Variants in MIB1 observed in about 807,000 individuals in gnomAD.
MIB1 encodes the protein MIB E3 ubiquitin protein ligase 1, also known as E3 ubiquitin-protein ligase MIB1.
Under a neutral mutation model 124.5 loss-of-function variants are expected in MIB1, and 278 were observed. The observed-to-expected ratio is 2.23, with a 90% CI of 2.02 to 2.47. The LOEUF (loss-of-function observed/expected upper bound fraction) is 2.47. Ranked by LOEUF, MIB1 falls within the 30% of genes most tolerant of loss-of-function variation. The probability of loss-of-function intolerance (pLI) is 0.00; values close to 1 mark genes in which losing one functional copy is unlikely to be tolerated. For synonymous variants in MIB1, 446 were observed against 429.4 expected, an observed-to-expected ratio of 1.04 and a Z score of -0.48; for missense variants, 957 against 1,254.4, an observed-to-expected ratio of 0.76 and a Z score of 3.58.
chr18:21,815,895 C>G, intron 11 of MIB1, 82 bp downstream of exon 11: 1 of 1,213,640 alleles, frequency 8.2e-7, no homozygotes, highest in South Asian at 1.3e-5. Context: ...GGTAAGCATT[C>G]CTTTGTTACC....
chr18:21,798,040 A>G (rs369897352), intron 7 of MIB1, 44 bp from the exon 8 acceptor site: 44 of 1,597,758 alleles, frequency 2.8e-5, no homozygotes, highest in Non-Finnish European at 3.4e-5. Context: ...ACTTTATGGT[A>G]TATACTTTAG....
rs767583608 is a variant in MIB1 at position 21,843,204 on chromosome 18, C to T, written c.2036C>T (p.Thr679Ile). 1 of 1,587,202 alleles carries T rather than the reference C, an allele frequency of 6.3e-7. No homozygotes were observed. The highest frequency in any genetic ancestry group is 1.4e-5 in the African/African-American group (1 of 73,562). The change falls in exon 14 of 21, where the codon ACC (threonine) becomes ATC (isoleucine). Residue 679 changes from threonine (T) to isoleucine (I), a missense_variant. By Grantham distance (89) the Thr-to-Ile change is moderately conservative. Transcript: ENST00000261537. ...CACCTTGCTGTTGAACGACAGCATA[C>T]CCAGATTGTTAGGGTAAAGTATTGA... ...ALHLAVERQH[T>I]QIVRLLVRAG...
chr18:21,770,517 G>A (rs1342570454), intron 3 of MIB1, among the ~76,000 whole-genome samples: 1 of 152,002 alleles, frequency 6.6e-6, no homozygotes, highest in East Asian at 1.9e-4. Context: ...ATGGAGTCTT[G>A]CTGTGTTGCC....
At chr18:21,756,689 C>T (rs2041035903) in intron 1 of MIB1, among the ~76,000 whole-genome samples, 1 of 152,138 alleles carries the variant, frequency 6.6e-6, no homozygotes, top group South Asian at 2.1e-4. Flanking sequence ...GTCTCAAACT[C>T]CTGATCTTAG....
At position 21,844,090 on chromosome 18, in the gene MIB1, A is replaced by G; in HGVS notation, c.2050-2A>G. The stretch of plus-strand genomic sequence containing the variant: ...CCAAAATGAGACATCTTTCTCTTTT[A>G]GCTTTTGGTCCGTGCAGGTGCCAAG... On this transcript the variant is annotated splice_acceptor_variant, in intron 14 of 20. Transcript: ENST00000261537. LOFTEE classifies it high-confidence loss of function. 2 of 1,613,242 alleles carry G rather than the reference A, an allele frequency of 1.2e-6. No individual in the cohort carries two copies. The highest frequency in any genetic ancestry group is 1.7e-6 in the Non-Finnish European group (2 of 1,179,732).
intron 4 of MIB1, 70 bp downstream of exon 4, chr18:21,773,798 A>G: frequency 1.1e-6 from 1 of 909,184 alleles, no homozygotes; most frequent in Non-Finnish European, 1.7e-6. Flanking sequence ...CTGCTCTTTT[A>G]TTATTTTTCC....
intron 1 of MIB1, among the ~76,000 whole-genome samples, chr18:21,709,469 C>T (rs1171017354): frequency 6.6e-6 from 1 of 152,188 alleles, no homozygotes; most frequent in African/African-American, 2.4e-5. Context: ...CCTCTGGAAA[C>T]AGGGTGTTAC....
intron 1 of MIB1, among the ~76,000 whole-genome samples, chr18:21,762,145 A>G (rs983469616): frequency 6.6e-6 from 1 of 152,234 alleles, no homozygotes; most frequent in Non-Finnish European, 1.5e-5. Flanking sequence ...CATGTTAAAG[A>G]TGTGTCAAGA....
At chr18:21,755,287 A>G (rs1215902336) in intron 1 of MIB1, among the ~76,000 whole-genome samples, 2 of 151,714 alleles carry the variant, frequency 1.3e-5, no homozygotes, top group African/African-American at 2.4e-5. Flanking sequence ...GTTATCTTTA[A>G]ACTTTTGTTT....
intron 16 of MIB1, 109 bp from the exon 17 acceptor site, chr18:21,849,085 AAT>A: frequency 1.5e-6 from 1 of 680,430 alleles, no homozygotes; most frequent in East Asian, 2.8e-5. Context: ...TTAATTTTTT[AAT>A]ATGACTAGTT....
chr18:21,807,862 A>T (rs966954164), intron 10 of MIB1, among the ~76,000 whole-genome samples: 1 of 152,222 alleles, frequency 6.6e-6, no homozygotes, highest in African/African-American at 2.4e-5. Context: ...TATTAAACAT[A>T]TACAAAAGTA....
intron 12 of MIB1, among the ~76,000 whole-genome samples, chr18:21,820,076 C>G (rs908588737): frequency 2.6e-5 from 4 of 152,120 alleles, no homozygotes; most frequent in Non-Finnish European, 5.9e-5. Context: ...ATATAAACTT[C>G]TAGTATAGCT....
chr18:21,781,158 C>G (rs2041357078), intron 6 of MIB1, among the ~76,000 whole-genome samples: 1 of 151,232 alleles, frequency 6.6e-6, no homozygotes, highest in African/African-American at 2.4e-5. Context: ...CTCAAGTGAT[C>G]CTCCCACTTT....
intron 18 of MIB1, among the ~76,000 whole-genome samples, chr18:21,853,990 GCAACAGA>G (rs2042203572): frequency 9.2e-6 from 1 of 108,886 alleles, no homozygotes; most frequent in African/African-American, 3.4e-5. Context: ...CTCCGCCTAG[GCAACAGA>G]CTGAGACTCA....
intron 3 of MIB1, 35 bp from the exon 4 acceptor site, chr18:21,773,589 T>A: frequency 6.7e-7 from 1 of 1,485,176 alleles, no homozygotes; most frequent in Non-Finnish European, 9.3e-7. Context: ...CCCTCCCCTT[T>A]AAAAAACTTC....
Position 21,870,300 on chromosome 18 carries a change from C to T in MIB1, c.*5634C>T, listed in dbSNP as rs554862728. ...CTGTTATTGTTAAAAAGGAAATTAC[C>T]ATGCCTTTAAGAAACAAGGATGTAC... On this transcript the variant is annotated 3_prime_UTR_variant, in exon 21 of 21. Transcript: ENST00000261537. The T allele has an allele frequency of 6.6e-6, 1 of 152,206 alleles. No homozygotes were observed. The highest frequency in any genetic ancestry group is 1.5e-5 in the Non-Finnish European group (1 of 67,946). 9.4% of individuals were successfully genotyped at this position (152,206 alleles called of 1,614,324 possible). A position where few individuals can be genotyped will look rare whatever the true frequency, so the allele number is the denominator to read the frequency against.
chr18:21,836,587 A>G (rs118144281), intron 12 of MIB1, among the ~76,000 whole-genome samples: 91 of 152,330 alleles, frequency 6.0e-4, no homozygotes, highest in Non-Finnish European at 8.1e-4. Context: ...ATGGAAAATG[A>G]AGATTTAAAA....
intron 1 of MIB1, among the ~76,000 whole-genome samples, chr18:21,758,157 A>T (rs891216977): frequency 6.6e-6 from 1 of 152,228 alleles, no homozygotes; most frequent in Non-Finnish European, 1.5e-5. Context: ...AAATGTGTGT[A>T]AAGAACCAAG....
chr18:21,785,406 A>T (rs1417532822), intron 6 of MIB1, among the ~76,000 whole-genome samples: 1 of 152,220 alleles, frequency 6.6e-6, no homozygotes, highest in African/African-American at 2.4e-5. Context: ...CAGGCCCAGT[A>T]GGGCTGGACC....
Sources: gnomAD v4.1 joint callset for allele counts (sites outside exome capture counted in the v4.1 genomes callset) on GRCh38, gnomAD v4.1.1 for gene constraint, MANE v1.5 for transcripts, NCBI Gene and HGNC (gene_info 2026-07-23, HGNC 2026-07-21) for gene names.